FAM222B: variants seen among roughly 807,000 people sequenced by gnomAD.
FAM222B encodes the protein protein FAM222B.
In FAM222B, 12 loss-of-function variants were observed where a neutral mutation model predicts 38.0. The ratio of observed to expected loss-of-function variants is 0.32; its 90% CI spans 0.20 to 0.51. FAM222B has a LOEUF of 0.51. FAM222B is among the 20% of genes least tolerant of loss of function. FAM222B has a pLI of 0.97. For missense variants in FAM222B, 716 were observed against 754.2 expected, an observed-to-expected ratio of 0.95 and a Z score of 0.59; for synonymous variants, 329 against 317.2, an observed-to-expected ratio of 1.04 and a Z score of -0.40.
chr17:28,853,049 C>T (rs1053965935), intron 1 of FAM222B, among the ~76,000 whole-genome samples: 1 of 151,986 alleles, frequency 6.6e-6, no homozygotes, highest in African/African-American at 2.4e-5. Flanking sequence ...CAAAATTAGC[C>T]GGGCATGGTG....
rs1297836120 is a variant in FAM222B, at chr17:28,800,721, T to TA, written c.-40-34015dup. Among the ~76,000 whole-genome samples the TA allele has an allele frequency of 2.0e-5, 3 of 152,212 alleles. No homozygotes were observed. The East Asian group carries it at 5.8e-4, about 29-fold the overall frequency. ...ACAGTATCACTCTCCAATTGCACCA[T>TA]ACCTCACTAAATATAGGCCAAATAT... On this transcript the variant is annotated intron_variant, in intron 1 of 2. Transcript: ENST00000581407.
intron 2 of FAM222B, among the ~76,000 whole-genome samples, chr17:28,761,218 G>A (rs1266869218): frequency 6.6e-6 from 1 of 152,226 alleles, no homozygotes; most frequent in Non-Finnish European, 1.5e-5. Context: ...CCGGCTTCCA[G>A]TCAAAAAGGA....
At chr17:28,844,319 A>T (rs1352974054), upstream of FAM222B, among the ~76,000 whole-genome samples, 1 of 152,140 alleles carries the variant, frequency 6.6e-6, no homozygotes, top group Non-Finnish European at 1.5e-5. Context: ...AAGGGGGAAA[A>T]AGAGAAGAAA....
intron 1 of FAM222B, among the ~76,000 whole-genome samples, chr17:28,830,077 C>T (rs1016185902): frequency 1.3e-5 from 2 of 151,752 alleles, no homozygotes; most frequent in African/African-American, 4.8e-5. Context: ...TCTCCATCTC[C>T]TGACCTCGTG....
chr17:28,847,928 G>A (rs1224764592), intron 1 of FAM222B, among the ~76,000 whole-genome samples: 1 of 148,526 alleles, frequency 6.7e-6, no homozygotes, highest in Non-Finnish European at 1.5e-5. Flanking sequence ...AAAAAAAAAA[G>A]AAAAGAAAAG....
intron 1 of FAM222B, among the ~76,000 whole-genome samples, chr17:28,837,201 C>T (rs1426641471): frequency 6.6e-6 from 1 of 151,852 alleles, no homozygotes; most frequent in African/African-American, 2.4e-5. Flanking sequence ...AAGGCTGAGA[C>T]GGGTGGATCA....
chr17:28,854,944 A>C (rs992883226), intron 1 of FAM222B: 1 of 1,439,836 alleles, frequency 6.9e-7, no homozygotes, highest in Non-Finnish European at 9.3e-7. Flanking sequence ...ATTTGGGCAG[A>C]CCTACCTCTC....
intron 1 of FAM222B, among the ~76,000 whole-genome samples, chr17:28,853,946 T>TC (rs978643077): frequency 6.8e-6 from 1 of 147,820 alleles, no homozygotes; most frequent in African/African-American, 2.5e-5. Flanking sequence ...TGTTTCTTTT[T>TC]TTTTTTTTTT....
chr17:28,791,605 G>A (rs992519561), intron 1 of FAM222B, among the ~76,000 whole-genome samples: 4 of 151,024 alleles, frequency 2.6e-5, no homozygotes, highest in African/African-American at 9.7e-5. Flanking sequence ...CCTAAGCCAG[G>A]TGCAGTGGCT....
chr17:28,820,033 A>C (rs986128172), intron 1 of FAM222B, among the ~76,000 whole-genome samples: 4 of 152,232 alleles, frequency 2.6e-5, no homozygotes, highest in Non-Finnish European at 4.4e-5. Flanking sequence ...AAAAGATTCC[A>C]GTCCAACCTG....
At chr17:28,804,355 A>C (rs1234081515) in intron 1 of FAM222B, among the ~76,000 whole-genome samples, 3 of 149,882 alleles carry the variant, frequency 2.0e-5, no homozygotes, top group Non-Finnish European at 3.0e-5. Context: ...TTTTTTTTTC[A>C]GGCACAGTCT....
intron 1 of FAM222B, among the ~76,000 whole-genome samples, chr17:28,795,032 G>T (rs1326094612): frequency 6.6e-6 from 1 of 151,628 alleles, no homozygotes; most frequent in African/African-American, 2.4e-5. Flanking sequence ...GGCCAAGGTT[G>T]CAGTGAGTCA....
At chr17:28,801,451 C>CAAAAAA (rs766189732) in intron 1 of FAM222B, among the ~76,000 whole-genome samples, 18 of 90,032 alleles carry the variant, frequency 2.0e-4, no homozygotes, top group African/African-American at 3.9e-4. Flanking sequence ...GACTCCGTCT[C>CAAAAAA]AAAAAAAAAA....
chr17:28,759,968 C>T lies in FAM222B; in HGVS notation c.83-92G>A, dbSNP rs2034992371. ...CCCTTCCAGATTCCCCTTTTGAGGGCCTGGGGTGGGGTGGGGAAATGACTA... is the reference window on the plus strand; with the variant it reads ...CCCTTCCAGATTCCCCTTTTGAGGGTCTGGGGTGGGGTGGGGAAATGACTA... On this transcript the variant is annotated intron_variant, in intron 2 of 2. Coordinates refer to ENST00000581407, the MANE Select transcript of FAM222B (RefSeq NM_001077498.3). This position sits in a 1 kb window ranked among gnomAD's most constrained non-coding sequence, Gnocchi z 4.8. 1.6e-6 allele frequency: 2 copies of T among 1,290,008 alleles called. No homozygotes were observed. The highest frequency in any genetic ancestry group is 5.7e-5 in the Admixed American group (2 of 35,118). The allele number at this position is 1,290,008 out of a possible 1,614,324, so 79.9% of individuals were successfully genotyped here. A position where few individuals can be genotyped will look rare whatever the true frequency, so the allele number is the denominator to read the frequency against.
intron 1 of FAM222B, among the ~76,000 whole-genome samples, chr17:28,804,670 A>C (rs568941501): frequency 6.6e-6 from 1 of 152,136 alleles, no homozygotes; most frequent in Non-Finnish European, 1.5e-5. Flanking sequence ...TAAATAAAAC[A>C]AACTGTCCCA....
At chr17:28,783,867 C>T (rs1408372808) in intron 1 of FAM222B, among the ~76,000 whole-genome samples, 2 of 151,590 alleles carry the variant, frequency 1.3e-5, no homozygotes, top group African/African-American at 4.9e-5. Flanking sequence ...GGCACAATCT[C>T]GGCTCACTGC....
At chr17:28,773,776 C>T (rs1320169748) in intron 1 of FAM222B, among the ~76,000 whole-genome samples, 1 of 150,706 alleles carries the variant, frequency 6.6e-6, no homozygotes, top group Non-Finnish European at 1.5e-5. Context: ...CCAGCCTGGG[C>T]GACACAGCGA....
In FAM222B at chr17:28,818,974, G is replaced by A. The variant is rs944054917; in HGVS notation, c.-41+23708C>T. On this transcript the variant is annotated intron_variant, in intron 1 of 2. Transcript: ENST00000581407. ...ATAAAATGGCACGGTTCCTGAAAAA[G>A]CCCTGGACGCTGTTTCCCCACAATC... 1.3e-5 allele frequency among the ~76,000 whole-genome samples: 2 copies of A among 152,132 alleles called. 1 individual carries two copies. Among genetic ancestry groups the A allele is most frequent in the Admixed American group, 1.3e-4 (2 of 15,252 alleles).
At chr17:28,816,998 T>C (rs111290959) in intron 1 of FAM222B, among the ~76,000 whole-genome samples, 2 of 152,268 alleles carry the variant, frequency 1.3e-5, no homozygotes, top group Admixed American at 6.5e-5. Flanking sequence ...TCATCAAATA[T>C]GTACTGTATT....
Sources: allele counts gnomAD v4.1 joint callset (sites outside exome capture counted in the v4.1 genomes callset), GRCh38; gene constraint gnomAD v4.1.1; non-coding constraint Gnocchi (gnomAD v3.1); transcripts MANE v1.5; gene names NCBI Gene and HGNC (gene_info 2026-07-23, HGNC 2026-07-21).